The following ZNF229 variants were observed in gnomAD, a reference collection of about 807,000 sequenced individuals.
ZNF229 encodes the protein zinc finger protein 229.
In ZNF229, 10 loss-of-function variants were observed where a neutral mutation model predicts 11.8. The ratio of observed to expected loss-of-function variants is 0.85; its 90% CI spans 0.52 to 1.44. The LOEUF is 1.44. ZNF229 is among the 40% of genes most tolerant of loss of function. The pLI is 0.00. For synonymous variants in ZNF229, 368 were observed against 374.8 expected (o/e 0.98, Z 0.21); for missense variants, 1,045 against 1,015.1 (o/e 1.03, Z -0.40).
intron 4 of ZNF229, among the ~76,000 whole-genome samples, chr19:44,439,272 A>G (rs1971866929): frequency 6.6e-6 from 1 of 152,352 alleles, no homozygotes; most frequent in Non-Finnish European, 1.5e-5. Flanking sequence ...CACACTAAGT[A>G]TACCCCTTTG....
At chr19:44,438,504 T>C (rs1412159035) in intron 4 of ZNF229, among the ~76,000 whole-genome samples, 1 of 152,232 alleles carries the variant, frequency 6.6e-6, no homozygotes, top group Non-Finnish European at 1.5e-5. Context: ...AAATAGATAT[T>C]TGGTCTCTGT....
Position 44,442,632 on chromosome 19 carries a change from A to C in ZNF229, c.35-11T>G, listed in dbSNP as rs774128243. On this transcript the variant is annotated splice_polypyrimidine_tract_variant and intron_variant, in intron 3 of 5. Transcript: ENST00000614049. The stretch of plus-strand genomic sequence containing the variant: ...CTTGAGAATGAAGAGCTGTAGGAGG[A>C]GAAAGAGGCCATGAGGAGGAGTTGG... 4.3e-6 allele frequency: 7 copies of C among 1,613,884 alleles called. No individual in the cohort carries two copies. The South Asian group carries it at 5.5e-5, about 13-fold the overall frequency.
Position 44,426,820 on chromosome 19 carries a change from C to A in ZNF229, c.*1483G>T, listed in dbSNP as rs1379019693. On this transcript the variant is annotated 3_prime_UTR_variant, in exon 6 of 6. Coordinates refer to ENST00000614049, the MANE Select transcript of ZNF229 (RefSeq NM_014518.4). ...AATTGAATTGATACGTTAATGAATT[C>A]TTTTGAAAACAATGCACGGATTTTC... The A allele has an allele frequency of 1.3e-5, 2 of 152,132 alleles. No individual in the cohort carries two copies. Among genetic ancestry groups the A allele is most frequent in the African/African-American group, 4.8e-5 (2 of 41,402 alleles). The allele number at this position is 152,132 out of a possible 1,614,324, so 9.4% of individuals were successfully genotyped here.
Position 44,429,681 on chromosome 19 carries a change from T to C in ZNF229, c.1100A>G (p.His367Arg). The stretch of plus-strand genomic sequence containing the variant: ...TCTCCTTCCTGTGTGCACCCCTTGA[T>C]GAATAAGAAGAACCGATTTATACCT... ...GFRYKSVLLIHQGVHTGRRPY... is the reference protein window; with the variant it reads ...GFRYKSVLLIRQGVHTGRRPY... The change falls in exon 6 of 6, where the codon CAT (histidine) becomes CGT (arginine). Residue 367 changes from histidine (H) to arginine (R), a missense_variant. Coordinates refer to ENST00000614049, the MANE Select transcript of ZNF229 (RefSeq NM_014518.4). 4 of 1,614,166 alleles carry C rather than the reference T, an allele frequency of 2.5e-6. No homozygotes were observed. Among genetic ancestry groups the C allele is most frequent in the Non-Finnish European group, 3.4e-6 (4 of 1,180,040 alleles).
chr19:44,428,566 G>C lies in ZNF229; in HGVS notation c.2215C>G (p.Pro739Ala), dbSNP rs751739845. The C allele has an allele frequency of 6.2e-7, 1 of 1,613,748 alleles. No individual in the cohort carries two copies. Among genetic ancestry groups the C allele is most frequent in the Admixed American group, 1.7e-5 (1 of 59,986 alleles). The change falls in exon 6 of 6, where the codon CCA becomes GCA. Residue 739 changes from proline (P) to alanine (A), a missense_variant. Coordinates refer to ENST00000614049, the MANE Select transcript of ZNF229 (RefSeq NM_014518.4). The stretch of plus-strand genomic sequence containing the variant: ...TTCCCACACACGTGGCATCTGTATG[G>C]CTTCTCGCCAGTGTGCACTCTCTTA... The part of the protein sequence containing the change: ...SHKRVHTGEK[P>A]YRCHVCGKGY...
intron 1 of ZNF229, among the ~76,000 whole-genome samples, chr19:44,447,971 C>G (rs1180257271): frequency 6.6e-6 from 1 of 152,162 alleles, no homozygotes; most frequent in Non-Finnish European, 1.5e-5. Flanking sequence ...GAGCCAGCAA[C>G]GATACAGCAA....
At chr19:44,440,505 T>A (rs558423409) in intron 4 of ZNF229, among the ~76,000 whole-genome samples, 2 of 152,152 alleles carry the variant, frequency 1.3e-5, no homozygotes, top group African/African-American at 4.8e-5. Context: ...GTGTGATCCA[T>A]GAAAATGCCA....
intron 4 of ZNF229, among the ~76,000 whole-genome samples, chr19:44,433,595 A>C (rs1971762363): frequency 6.6e-6 from 1 of 151,884 alleles, no homozygotes. Context: ...TAGGCATATA[A>C]AGTTCCTGCT....
chr19:44,435,736 G>C (rs1165907808), intron 4 of ZNF229, among the ~76,000 whole-genome samples: 1 of 152,184 alleles, frequency 6.6e-6, no homozygotes, highest in African/African-American at 2.4e-5. Context: ...GTTTGAGAAA[G>C]TAAAACTGGA....
At chr19:44,440,739 T>C (rs1461861112) in intron 4 of ZNF229, among the ~76,000 whole-genome samples, 2 of 152,022 alleles carry the variant, frequency 1.3e-5, no homozygotes, top group African/African-American at 4.8e-5. Flanking sequence ...TTTTTTTTTT[T>C]TTGAGACAGG....
rs1404270925 is a variant in ZNF229, at chr19:44,441,224, G to A, written c.93+1339C>T. Among the ~76,000 whole-genome samples, 4 of 152,086 alleles carry A rather than the reference G, an allele frequency of 2.6e-5. No homozygotes were observed. The East Asian group carries it at 5.8e-4, about 22-fold the overall frequency. On this transcript the variant is annotated intron_variant, in intron 4 of 5. Coordinates refer to ENST00000614049, the MANE Select transcript of ZNF229 (RefSeq NM_014518.4). Reference sequence around the variant, plus strand: ...GTGAGTCTCAACTGGGGGAACTTATGGTGACGAATCAGAAGATAACAATGA... The same window carrying A: ...GTGAGTCTCAACTGGGGGAACTTATAGTGACGAATCAGAAGATAACAATGA...
intron 2 of ZNF229, among the ~76,000 whole-genome samples, chr19:44,447,286 G>A (rs1393218125): frequency 6.6e-6 from 1 of 151,734 alleles, no homozygotes; most frequent in East Asian, 1.9e-4. Flanking sequence ...CTTCAGCATG[G>A]CGCTGAAACA....
Position 44,429,248 on chromosome 19 carries a change from G to A in ZNF229, c.1533C>T (p.His511=). The change falls in exon 6 of 6, where the codon CAC becomes CAT. Residue 511 remains histidine, a synonymous_variant. Transcript: ENST00000614049. Reference sequence around the variant, plus strand: ...TACATTTGTACAGATGCTGCCCCATGTGAACTCTCTGGTGAGCTTGAAGGT... The same window carrying A: ...TACATTTGTACAGATGCTGCCCCATATGAACTCTCTGGTGAGCTTGAAGGT... ...NSYLQAHQRV[H]MGQHLYKCNV... is the part of the protein sequence containing the mutation. 3 of 1,614,054 alleles carry A rather than the reference G, an allele frequency of 1.9e-6. No individual in the cohort carries two copies. The highest frequency in any genetic ancestry group is 2.5e-6 in the Non-Finnish European group (3 of 1,180,024).
intron 5 of ZNF229, chr19:44,431,934 AAC>A: frequency 1.6e-6 from 1 of 632,192 alleles, no homozygotes; most frequent in East Asian, 8.6e-5. Context: ...GTCCTTAGAA[AAC>A]AGATGCCCAG....
intron 2 of ZNF229, among the ~76,000 whole-genome samples, chr19:44,446,585 T>C (rs1236055715): frequency 6.6e-6 from 1 of 152,238 alleles, no homozygotes; most frequent in African/African-American, 2.4e-5. Context: ...ATCATCAATA[T>C]ACTATTACCA....
chr19:44,431,967 G>A, intron 5 of ZNF229: 2 of 698,704 alleles, frequency 2.9e-6, no homozygotes, highest in Non-Finnish European at 3.9e-6. Context: ...TCTGCTACGT[G>A]AGGACACAAA....
intron 4 of ZNF229, among the ~76,000 whole-genome samples, chr19:44,437,844 A>T (rs1383192192): frequency 6.6e-6 from 1 of 152,246 alleles, no homozygotes; most frequent in African/African-American, 2.4e-5. Context: ...GGAGGCCATT[A>T]TCCTAAGCAA....
At position 44,428,590 on chromosome 19, in the gene ZNF229, T is replaced by C; in HGVS notation, c.2191A>G (p.Lys731Glu). 2.5e-6 allele frequency: 4 copies of C among 1,613,464 alleles called. No individual in the cohort carries two copies. Among genetic ancestry groups the C allele is most frequent in the Non-Finnish European group, 3.4e-6 (4 of 1,179,894 alleles). ...GGCTTCTCGCCAGTGTGCACTCTCT[T>C]ATGACTAAGGAGACCTGAGCCATAT... is the stretch of plus-strand genomic sequence containing the variant. ...FRYGSGLLSH[K>E]RVHTGEKPYR... The change falls in exon 6 of 6, where the codon AAG (lysine) becomes GAG (glutamate). Residue 731 changes from lysine (K) to glutamate (E), a missense_variant. Lys to Glu is a moderately conservative substitution (Grantham distance 56). Coordinates refer to ENST00000614049, the MANE Select transcript of ZNF229 (RefSeq NM_014518.4).
At chr19:44,442,675 G>A in intron 3 of ZNF229, 54 bp from the exon 4 acceptor site, 1 of 1,608,238 alleles carries the variant, frequency 6.2e-7, no homozygotes, top group Non-Finnish European at 8.5e-7. Context: ...TGAAGCTCTA[G>A]ATCATCTACC....
Sources: gnomAD v4.1 joint callset for allele counts (sites outside exome capture counted in the v4.1 genomes callset) on GRCh38, gnomAD v4.1.1 for gene constraint, MANE v1.5 for transcripts, NCBI Gene and HGNC (gene_info 2026-07-23, HGNC 2026-07-21) for gene names.